The following IGFN1 variants were observed in gnomAD, a reference collection of about 807,000 sequenced individuals.
The protein encoded by IGFN1 is immunoglobulin like and fibronectin type III domain containing 1, also known as immunoglobulin-like and fibronectin type III domain-containing protein 1.
In IGFN1, 253 loss-of-function variants were observed where a neutral mutation model predicts 289.5. The ratio of observed to expected loss-of-function variants is 0.87; its 90% CI spans 0.79 to 0.97. The LOEUF (loss-of-function observed/expected upper bound fraction) is 0.97, where lower values mean the gene tolerates loss of function less well. Ranked by LOEUF, IGFN1 falls within the 50% of genes least tolerant of loss-of-function variation. IGFN1 has a pLI of 0.00. For missense variants in IGFN1, 4,470 were observed against 4,686.1 expected (o/e 0.95, Z 1.35); for synonymous variants, 1,706 against 1,788.5 (o/e 0.95, Z 1.16).
chr1:201,200,427 C>G lies in IGFN1; in HGVS notation c.633+16C>G. 1 of 1,544,524 alleles carries G rather than the reference C, an allele frequency of 6.5e-7. No individual in the cohort carries two copies. The highest frequency in any genetic ancestry group is 8.8e-7 in the Non-Finnish European group (1 of 1,141,244). ...GATGGCACAGGTGCCTCACCCCATT[C>G]CCACCCCTCACTCCATGCCCACCCC... On this transcript the variant is annotated intron_variant, in intron 8 of 23. Coordinates refer to ENST00000335211, the MANE Select transcript of IGFN1 (RefSeq NM_001164586.2).
At position 201,206,232 on chromosome 1, in the gene IGFN1, G is replaced by C. The variant is rs1319411203; in HGVS notation, c.1339G>C (p.Gly447Arg). The C allele has an allele frequency of 1.3e-6, 2 of 1,547,136 alleles. No individual in the cohort carries two copies. Among genetic ancestry groups the C allele is most frequent in the Non-Finnish European group, 1.7e-6 (2 of 1,145,788 alleles). Residue 447 changes from glycine (G) to arginine (R), a missense_variant, in exon 12 of 24, where the codon GGG (glycine) becomes CGG (arginine). Coordinates refer to ENST00000335211, the MANE Select transcript of IGFN1 (RefSeq NM_001164586.2). ...EQGPRGGSLE[G>R]AGPASGLQHI... ...GGGCCCCAGGGGGGGCTCCCTTGAA[G>C]GGGCTGGGCCGGCTTCTGGGCTCCA...
At chr1:201,205,990 G>C in intron 11 of IGFN1, 93 bp from the exon 12 acceptor site, 2 of 924,812 alleles carry the variant, frequency 2.2e-6, no homozygotes, top group South Asian at 3.3e-5. Flanking sequence ...GGCTCAGGCA[G>C]GTGCTTTGGC....
chr1:201,192,348 C>G, intron 1 of IGFN1, among the ~76,000 whole-genome samples: 1 of 152,210 alleles, frequency 6.6e-6, no homozygotes, highest in East Asian at 1.9e-4. Flanking sequence ...ATGGGCCAAT[C>G]GCACAGAGGG....
Position 201,215,609 on chromosome 1 carries a change from G to A in IGFN1, c.9066G>A (p.Pro3022=), listed in dbSNP as rs748911925. Reference sequence around the variant, plus strand: ...CACTGGTGGTCAAGGCTGGGAAGCCGGTGATAGTGAAGATCCCCTTCCAGA... The same window carrying A: ...CACTGGTGGTCAAGGCTGGGAAGCCAGTGATAGTGAAGATCCCCTTCCAGA... ...REPLVVKAGK[P]VIVKIPFQSH... The change falls in exon 15 of 24, where the codon CCG becomes CCA. Residue 3022 remains proline (P), a synonymous_variant. Transcript: ENST00000335211. 16 of 1,613,342 alleles carry A rather than the reference G, an allele frequency of 9.9e-6. No homozygotes were observed. The East Asian group carries it at 1.3e-4, about 13-fold the overall frequency.
chr1:201,208,559 G>C lies in IGFN1; in HGVS notation c.3666G>C (p.Gly1222=). ...ATGAGGATGGATCAGAACTTCCAGG[G>C]CCTCAGGGAACTGGGGTCAGAACAG... ...LGYEDGSELP[G]PQGTGVRTAY... Residue 1222 remains glycine (G), a synonymous_variant, in exon 12 of 24, where the codon GGG becomes GGC. Transcript: ENST00000335211. 6.8e-7 allele frequency: 1 copy of C among 1,467,516 alleles called. No individual in the cohort carries two copies. The highest frequency in any genetic ancestry group is 8.9e-7 in the Non-Finnish European group (1 of 1,117,940). 90.9% of individuals were successfully genotyped at this position (1,467,516 alleles called of 1,614,324 possible). A position where few individuals can be genotyped will look rare whatever the true frequency, so the allele number is the denominator to read the frequency against.
chr1:201,212,772 C>G lies in IGFN1; in HGVS notation c.7879C>G (p.Pro2627Ala). 1 of 1,551,502 alleles carries G rather than the reference C, an allele frequency of 6.4e-7. No individual in the cohort carries two copies. The highest frequency in any genetic ancestry group is 8.7e-7 in the Non-Finnish European group (1 of 1,146,912). ...ACAAGGGACGAGCAATGCTTGGGCT[C>G]CTGATTGGGAAAACCAGGGGTTTAG... Reference protein sequence around the residue: ...DRQGTSNAWAPDWENQGFSQG... With the variant: ...DRQGTSNAWAADWENQGFSQG... Residue 2627 changes from proline (P) to alanine (A), a missense_variant, in exon 12 of 24, where the codon CCT (proline) becomes GCT (alanine). This residue lies in a region of IGFN1 where 2,218 missense variants were observed against 2,114.1 expected (regional missense o/e 1.05). Coordinates refer to ENST00000335211, the MANE Select transcript of IGFN1 (RefSeq NM_001164586.2).
intron 11 of IGFN1, 150 bp downstream of exon 11, chr1:201,205,504 C>A: frequency 2.2e-6 from 2 of 895,296 alleles, no homozygotes; most frequent in African/African-American, 1.7e-5. Context: ...CAGTGCAGAC[C>A]TTCATGGCCA....
chr1:201,201,033 G>A (rs1012214477), intron 8 of IGFN1, among the ~76,000 whole-genome samples: 3 of 151,892 alleles, frequency 2.0e-5, no homozygotes, highest in Non-Finnish European at 2.9e-5. Flanking sequence ...GGGTTTCACC[G>A]TGTTAGCCAG....
chr1:201,218,936 G>T (rs1323980876), intron 18 of IGFN1, among the ~76,000 whole-genome samples: 1 of 152,084 alleles, frequency 6.6e-6, no homozygotes, highest in African/African-American at 2.4e-5. Flanking sequence ...ACTTTGGGAG[G>T]CAGAGGCAGG....
At chr1:201,217,578 C>A in intron 17 of IGFN1, 118 bp downstream of exon 17, 1 of 997,842 alleles carries the variant, frequency 1.0e-6, no homozygotes, top group Non-Finnish European at 1.5e-6. Flanking sequence ...GGTTTGGCAA[C>A]GTCTGGAGAT....
In IGFN1 at chr1:201,213,371, G is replaced by T. The variant is rs1018748806; in HGVS notation, c.8478G>T (p.Glu2826Asp). The change falls in exon 12 of 24, where the codon GAG becomes GAT. Residue 2826 changes from glutamate to aspartate, a missense_variant. By Grantham distance (45) the Glu-to-Asp change is conservative. Transcript: ENST00000335211. ...RSRSQAQSGA[E>D]VGGGKRRGAD... The stretch of plus-strand genomic sequence containing the variant: ...GGTCTCAGGCACAGTCAGGGGCTGA[G>T]GTTGGAGGAGGAAAGAGAAGGGGAG... The T allele has an allele frequency of 2.5e-6, 4 of 1,612,720 alleles. No homozygotes were observed. The highest frequency in any genetic ancestry group is 1.3e-5 in the African/African-American group (1 of 74,884).
chr1:201,191,092 C>G (rs1666640570), intron 1 of IGFN1, among the ~76,000 whole-genome samples, 185 bp downstream of exon 1: 1 of 152,146 alleles, frequency 6.6e-6, no homozygotes, highest in African/African-American at 2.4e-5. Context: ...CTAGGTTACT[C>G]CAGGATATCT....
Position 201,197,216 on chromosome 1 carries a change from A to G in IGFN1, c.268-2A>G. 6.5e-7 allele frequency: 1 copy of G among 1,547,130 alleles called. No homozygotes were observed. The highest frequency in any genetic ancestry group is 8.7e-7 in the Non-Finnish European group (1 of 1,142,944). ...GTTCCTCTGCCCTTGGCCTCTCTGCAGATCAACAAGCTGACAGGCGAGGAC... is the reference window on the plus strand; with the variant it reads ...GTTCCTCTGCCCTTGGCCTCTCTGCGGATCAACAAGCTGACAGGCGAGGAC... On this transcript the variant is annotated splice_acceptor_variant, in intron 4 of 23. Transcript: ENST00000335211. LOFTEE classifies it high-confidence loss of function.
chr1:201,213,495 C>A lies in IGFN1; in HGVS notation c.8602C>A (p.His2868Asn). ...AGATCAGAGCCGGGAGCCCCCTGGTCACCTTGGTAGCAGGAGAAGTGGCAA... is the reference window on the plus strand; with the variant it reads ...AGATCAGAGCCGGGAGCCCCCTGGTAACCTTGGTAGCAGGAGAAGTGGCAA... ...NEDQSREPPG[H>N]LGSRRSGKDG... Residue 2868 changes from histidine to asparagine, a missense_variant, in exon 12 of 24, where the codon CAC (histidine) becomes AAC (asparagine). Around this residue, in one of 8 missense-constraint regions of IGFN1, gnomAD observed 2,218 missense variants for 2,114.1 expected, o/e 1.05. Coordinates refer to ENST00000335211, the MANE Select transcript of IGFN1 (RefSeq NM_001164586.2). 5 of 1,613,998 alleles carry A rather than the reference C, an allele frequency of 3.1e-6. No individual in the cohort carries two copies. The highest frequency in any genetic ancestry group is 1.1e-5 in the South Asian group (1 of 91,076).
At chr1:201,227,660 C>T (rs957174317) in intron 23 of IGFN1, among the ~76,000 whole-genome samples, 1 of 152,024 alleles carries the variant, frequency 6.6e-6, no homozygotes, top group African/African-American at 2.4e-5. Context: ...AAACTCCTGA[C>T]CTCAGGTGAT....
At chr1:201,219,530 T>C (rs1653570544) in intron 18 of IGFN1, among the ~76,000 whole-genome samples, 1 of 152,226 alleles carries the variant, frequency 6.6e-6, no homozygotes, top group South Asian at 2.1e-4. Flanking sequence ...TCTAGCTTTT[T>C]CACAAAATAC....
In IGFN1 at chr1:201,203,774, A is replaced by G; in HGVS notation, c.784A>G (p.Thr262Ala). The G allele has an allele frequency of 6.4e-7, 1 of 1,551,888 alleles. No homozygotes were observed. Among genetic ancestry groups the G allele is most frequent in the Non-Finnish European group, 8.7e-7 (1 of 1,147,060 alleles). ...GATCCCCTATGGCTTCAACAACCAA[A>G]CCAAGCACTGTCTGCGCCGGCTGGG... The part of the protein sequence containing the change: ...EMIPYGFNNQ[T>A]KHCLRRLGKR... Residue 262 changes from threonine to alanine, a missense_variant, in exon 10 of 24, where the codon ACC becomes GCC. Physicochemically the swap from Thr to Ala is moderately conservative, Grantham distance 58 (BLOSUM62 0). Coordinates refer to ENST00000335211, the MANE Select transcript of IGFN1 (RefSeq NM_001164586.2).
intron 2 of IGFN1, 149 bp from the exon 3 acceptor site, chr1:201,194,005 G>A: frequency 1.3e-6 from 1 of 792,180 alleles, no homozygotes; most frequent in Non-Finnish European, 2.0e-6. Context: ...GCACAGGCAG[G>A]AGGTACTACA....
chr1:201,203,363 T>C (rs1331213149), intron 9 of IGFN1, among the ~76,000 whole-genome samples: 1 of 152,212 alleles, frequency 6.6e-6, no homozygotes, highest in Non-Finnish European at 1.5e-5. Context: ...GTGAATAAGT[T>C]GAGCTGGGGC....
Sources: gnomAD v4.1 joint callset for allele counts (sites outside exome capture counted in the v4.1 genomes callset) on GRCh38, gnomAD v4.1.1 for gene constraint, gnomAD v4.1.1 regional missense constraint, MANE v1.5 for transcripts, NCBI Gene and HGNC (gene_info 2026-07-23, HGNC 2026-07-21) for gene names.